The following DYNC1I1 variants were observed in gnomAD, a reference collection of about 807,000 sequenced individuals.
DYNC1I1 encodes dynein cytoplasmic 1 intermediate chain 1.
In DYNC1I1, 43 loss-of-function variants were observed where a neutral mutation model predicts 86.6. That is an observed-to-expected ratio of 0.50 (90% CI 0.39 to 0.64). The LOEUF is 0.64. DYNC1I1 is among the 30% of genes least tolerant of loss of function. The pLI is 0.00. For synonymous variants in DYNC1I1, 262 were observed against 283.7 expected (o/e 0.92, Z 0.77); for missense variants, 604 against 788.8 (o/e 0.77, Z 2.81).
chr7:95,968,684 A>G (rs144264449), intron 6 of DYNC1I1, among the ~76,000 whole-genome samples: 422 of 152,312 alleles, frequency 2.8e-3, no homozygotes, highest in Non-Finnish European at 4.4e-3. Context: ...CTTAATAGAG[A>G]AAGCAGAAGA....
chr7:96,020,170 G>T (rs549070977), intron 10 of DYNC1I1, among the ~76,000 whole-genome samples: 159 of 151,460 alleles, frequency 1.0e-3, no homozygotes, highest in Non-Finnish European at 2.0e-3. Context: ...CTTATGTATT[G>T]TGGGTGGAAT....
At chr7:95,979,085 C>T (rs1445285715) in intron 7 of DYNC1I1, among the ~76,000 whole-genome samples, 4 of 152,202 alleles carry the variant, frequency 2.6e-5, no homozygotes, top group Non-Finnish European at 4.4e-5. Context: ...TGAACCACCA[C>T]GCCCAGCCAC....
chr7:95,900,763 A>G (rs907404288), intron 6 of DYNC1I1, among the ~76,000 whole-genome samples: 9 of 152,210 alleles, frequency 5.9e-5, no homozygotes, highest in African/African-American at 2.2e-4. Flanking sequence ...AAAAAATCCT[A>G]GCACAAATGG....
chr7:95,889,337 A>G lies in DYNC1I1; in HGVS notation c.490+19339A>G, dbSNP rs1371275652. Among the ~76,000 whole-genome samples, 3 of 152,322 alleles carry G rather than the reference A, an allele frequency of 2.0e-5. No individual in the cohort carries two copies. In the East Asian group the frequency reaches 5.8e-4, roughly 29 times the overall value. ...TCTACCACATTATTCCATTCAAATT[A>G]CCCCTTATAGAAACGACTTCCTGTT... On this transcript the variant is annotated intron_variant, in intron 6 of 16. Coordinates refer to ENST00000447467, the MANE Select transcript of DYNC1I1 (RefSeq NM_001135556.2).
chr7:95,781,309 A>G lies in DYNC1I1; in HGVS notation c.-10+8536A>G, dbSNP rs573090364. 2.6e-5 allele frequency among the ~76,000 whole-genome samples: 4 copies of G among 152,346 alleles called. No individual in the cohort carries two copies. The South Asian group carries it at 8.3e-4, about 32-fold the overall frequency. On this transcript the variant is annotated intron_variant, in intron 1 of 16. Transcript: ENST00000447467. ...AATGCTGCTGAAAAGTAATTGGCAT[A>G]TCAAGCAAGGGTGAAATCCCATATC...
At chr7:96,097,414 T>C in intron 16 of DYNC1I1, 69 bp from the exon 17 acceptor site, 1 of 1,570,582 alleles carries the variant, frequency 6.4e-7, no homozygotes, top group Non-Finnish European at 8.7e-7. Flanking sequence ...GGGACAGTCA[T>C]TCAGGCTTCA....
intron 14 of DYNC1I1, among the ~76,000 whole-genome samples, chr7:96,067,235 C>G (rs1433372831): frequency 6.6e-6 from 1 of 152,152 alleles, no homozygotes; most frequent in Non-Finnish European, 1.5e-5. Flanking sequence ...GTAACACTTA[C>G]CAGATAACAG....
chr7:95,969,885 A>G (rs1793120850), intron 6 of DYNC1I1, among the ~76,000 whole-genome samples: 1 of 152,224 alleles, frequency 6.6e-6, no homozygotes, highest in Non-Finnish European at 1.5e-5. Context: ...AGATGTTTCT[A>G]GACCAGAAAG....
chr7:96,064,495 T>C (rs570627525), intron 14 of DYNC1I1, among the ~76,000 whole-genome samples: 9 of 152,286 alleles, frequency 5.9e-5, no homozygotes, highest in Non-Finnish European at 1.0e-4. Flanking sequence ...TCCTGATCTT[T>C]TCCCGTGGTG....
chr7:95,819,342 A>G (rs1204721941), intron 4 of DYNC1I1, among the ~76,000 whole-genome samples: 3 of 152,156 alleles, frequency 2.0e-5, no homozygotes, highest in Non-Finnish European at 4.4e-5. Context: ...TCCTGTCTGC[A>G]TGTAGTTACT....
At chr7:96,064,704 A>G (rs1789907394) in intron 14 of DYNC1I1, among the ~76,000 whole-genome samples, 1 of 152,174 alleles carries the variant, frequency 6.6e-6, no homozygotes, top group African/African-American at 2.4e-5. Flanking sequence ...AGTCTAGGAA[A>G]GCCCAAGCCC....
At chr7:95,987,619 C>T (rs1472501783) in intron 9 of DYNC1I1, among the ~76,000 whole-genome samples, 1 of 152,146 alleles carries the variant, frequency 6.6e-6, no homozygotes, top group Non-Finnish European at 1.5e-5. Context: ...TGTGGTCATG[C>T]TCTCAACCCC....
chr7:95,991,145 C>T (rs957197720), intron 9 of DYNC1I1, among the ~76,000 whole-genome samples: 10 of 152,186 alleles, frequency 6.6e-5, no homozygotes, highest in African/African-American at 2.4e-4. Context: ...AGAGCAGTAG[C>T]AGTATTATCA....
intron 6 of DYNC1I1, among the ~76,000 whole-genome samples, chr7:95,962,638 A>C (rs2116513431): frequency 6.6e-6 from 1 of 152,294 alleles, no homozygotes; most frequent in Non-Finnish European, 1.5e-5. Flanking sequence ...ATTGTTTCAC[A>C]CAACAATTCT....
At chr7:95,973,926 A>T (rs540521824) in intron 6 of DYNC1I1, among the ~76,000 whole-genome samples, 15 of 152,302 alleles carry the variant, frequency 9.8e-5, no homozygotes, top group African/African-American at 3.4e-4. Flanking sequence ...TATAGTCAGT[A>T]TAACTAATTA....
At chr7:95,789,746 A>C (rs754335009) in intron 1 of DYNC1I1, among the ~76,000 whole-genome samples, 1 of 152,218 alleles carries the variant, frequency 6.6e-6, no homozygotes, top group African/African-American at 2.4e-5. Flanking sequence ...GACATGCAAA[A>C]TGTTGGCTGA....
intron 14 of DYNC1I1, among the ~76,000 whole-genome samples, chr7:96,070,725 A>G (rs561769378): frequency 6.6e-6 from 1 of 152,314 alleles, no homozygotes; most frequent in East Asian, 1.9e-4. Context: ...AGGTGTTAGG[A>G]GACATTTTAA....
chr7:95,995,901 G>C (rs755893638), intron 9 of DYNC1I1, 47 bp from the exon 10 acceptor site: 1 of 1,544,758 alleles, frequency 6.5e-7, no homozygotes, highest in Non-Finnish European at 8.7e-7. Flanking sequence ...AGTTTTCCTT[G>C]TGTTGTCATC....
intron 10 of DYNC1I1, among the ~76,000 whole-genome samples, chr7:95,998,248 A>G (rs1793919660): frequency 6.6e-6 from 1 of 152,248 alleles, no homozygotes; most frequent in African/African-American, 2.4e-5. Flanking sequence ...ACTGAGGCTT[A>G]TTCTATCGCA....
Sources: allele counts gnomAD v4.1 joint callset (sites outside exome capture counted in the v4.1 genomes callset), GRCh38; gene constraint gnomAD v4.1.1; transcripts MANE v1.5; gene names NCBI Gene and HGNC (gene_info 2026-07-23, HGNC 2026-07-21).